Variants in TCF12 observed in about 807,000 individuals in gnomAD.
The protein encoded by TCF12 is DNA-binding protein HTF4.
In TCF12, 45 loss-of-function variants were observed where a neutral mutation model predicts 86.0. The observed-to-expected ratio is 0.52, with a 90% CI of 0.41 to 0.67. The LOEUF (loss-of-function observed/expected upper bound fraction) is 0.67, where lower values mean the gene tolerates loss of function less well. Ranked by LOEUF, TCF12 falls within the 30% of genes least tolerant of loss-of-function variation. The pLI, the probability that TCF12 is intolerant of heterozygous loss-of-function variation, is 0.00. For synonymous variants in TCF12, 330 were observed against 299.6 expected (o/e 1.10, Z -1.05); for missense variants, 881 against 859.9 (o/e 1.02, Z -0.31).
intron 5 of TCF12, among the ~76,000 whole-genome samples, chr15:57,136,508 T>C (rs1332959390): frequency 6.6e-6 from 1 of 152,238 alleles, no homozygotes; most frequent in African/African-American, 2.4e-5. Flanking sequence ...ATATTTCTTA[T>C]TTCTACATTC....
At chr15:57,161,817 C>A (rs1235462235) in intron 5 of TCF12, among the ~76,000 whole-genome samples, 6 of 152,134 alleles carry the variant, frequency 3.9e-5, no homozygotes, top group African/African-American at 1.4e-4. Flanking sequence ...TTGCAGATAT[C>A]TTAAGCTATT....
chr15:57,259,252 C>A (rs1462408552), intron 16 of TCF12, among the ~76,000 whole-genome samples: 1 of 152,030 alleles, frequency 6.6e-6, no homozygotes, highest in East Asian at 1.9e-4. Flanking sequence ...GTAATACTAC[C>A]AAGTTTCTAG....
intron 3 of TCF12, among the ~76,000 whole-genome samples, chr15:57,014,077 G>A (rs984693433): frequency 6.6e-6 from 1 of 152,164 alleles, no homozygotes; most frequent in African/African-American, 2.4e-5. Flanking sequence ...TCTAGGTCAC[G>A]TTGCATGGGT....
At chr15:56,920,030 T>TTTG in intron 2 of TCF12, 42 bp downstream of exon 2, 1 of 1,605,798 alleles carries the variant, frequency 6.2e-7, no homozygotes, top group Non-Finnish European at 8.5e-7. Context: ...CTGCTGAGGT[T>TTTG]TTTGTTTGTT....
At chr15:57,035,029 A>G (rs1244258076) in intron 3 of TCF12, among the ~76,000 whole-genome samples, 3 of 152,208 alleles carry the variant, frequency 2.0e-5, no homozygotes, top group African/African-American at 7.2e-5. Flanking sequence ...ATCACTGCGC[A>G]TATATTAGAA....
intron 6 of TCF12, among the ~76,000 whole-genome samples, chr15:57,176,300 TTGGTGACCAGA>T (rs2055904989): frequency 6.6e-6 from 1 of 152,240 alleles, no homozygotes; most frequent in Non-Finnish European, 1.5e-5. Context: ...CCATCTGAGG[TTGGTGACCAGA>T]AATTACTGTT....
chr15:56,949,335 A>T (rs998632827), intron 3 of TCF12, among the ~76,000 whole-genome samples: 6 of 152,170 alleles, frequency 3.9e-5, no homozygotes, highest in African/African-American at 1.2e-4. Flanking sequence ...ACTCCTTTTT[A>T]AAAAAACTTT....
chr15:57,163,613 G>T (rs1337520978), intron 5 of TCF12, among the ~76,000 whole-genome samples: 2 of 152,160 alleles, frequency 1.3e-5, no homozygotes, highest in Admixed American at 1.3e-4. Flanking sequence ...TGAGGTGGGA[G>T]GATTGCTTGA....
Position 57,166,440 on chromosome 15 carries a change from A to G in TCF12, c.364A>G (p.Arg122Gly). ...SERGSFSLYS[R>G]DTGLPGCQSS... is the part of the protein sequence containing the mutation. ...GAGAGGCTCATTTTCCCTGTACAGC[A>G]GAGATACTGGATTACCAGGCTGTCA... Residue 122 changes from arginine to glycine, a missense_variant, in exon 6 of 21, where the codon AGA (arginine) becomes GGA (glycine). Physicochemically the swap from Arg to Gly is moderately radical, Grantham distance 125 (BLOSUM62 -2). Around this residue, in one of 3 missense-constraint regions of TCF12, gnomAD observed 766 missense variants for 718.9 expected, o/e 1.07. Coordinates refer to ENST00000333725, the MANE Select transcript of TCF12 (RefSeq NM_207037.2). 1.2e-6 allele frequency: 2 copies of G among 1,613,010 alleles called. No homozygotes were observed. The highest frequency in any genetic ancestry group is 2.2e-5 in the South Asian group (2 of 90,674).
At chr15:57,104,136 CA>C (rs1207421783) in intron 5 of TCF12, among the ~76,000 whole-genome samples, 1 of 151,568 alleles carries the variant, frequency 6.6e-6, no homozygotes, top group African/African-American at 2.4e-5. Context: ...TAAAGAATAT[CA>C]AAAAGTTAAC....
intron 12 of TCF12, among the ~76,000 whole-genome samples, chr15:57,235,567 G>A (rs543928547): frequency 3.4e-4 from 52 of 151,858 alleles, no homozygotes; most frequent in African/African-American, 1.2e-3. Context: ...CCCTTTTTTC[G>A]ACTTACTGTC....
rs182903925 is a variant in TCF12 at position 57,161,836 on chromosome 15, T to C, written c.326-4566T>C. 2.4e-4 allele frequency among the ~76,000 whole-genome samples: 37 copies of C among 152,356 alleles called. No individual in the cohort carries two copies. The East Asian group carries it at 6.9e-3, about 29-fold the overall frequency. Reference sequence around the variant, plus strand: ...AGATATCTTAAGCTATTATTTATGCTTTCAAATTATTATTAGTCCTGCTGC... The same window carrying C: ...AGATATCTTAAGCTATTATTTATGCCTTCAAATTATTATTAGTCCTGCTGC... On this transcript the variant is annotated intron_variant, in intron 5 of 20. Transcript: ENST00000333725.
intron 4 of TCF12, among the ~76,000 whole-genome samples, chr15:57,077,760 C>A (rs1037374551): frequency 7.3e-4 from 101 of 138,668 alleles, no homozygotes; most frequent in African/African-American, 2.1e-3. Context: ...AAAAAAAAAA[C>A]GTTTGCATGT....
intron 3 of TCF12, among the ~76,000 whole-genome samples, chr15:56,924,526 CA>C (rs1469745036): frequency 6.6e-6 from 1 of 152,098 alleles, no homozygotes; most frequent in Non-Finnish European, 1.5e-5. Context: ...GAGAGGAAAC[CA>C]GGTTTGACCT....
chr15:57,230,419 G>T (rs1484977919), intron 8 of TCF12, among the ~76,000 whole-genome samples: 1 of 151,906 alleles, frequency 6.6e-6, no homozygotes, highest in Admixed American at 6.6e-5. Context: ...GATCATTAAG[G>T]TTATTTGGCT....
At chr15:57,074,360 TAAA>T (rs35606687) in intron 4 of TCF12, among the ~76,000 whole-genome samples, 12,641 of 110,520 alleles carry the variant, frequency 0.11, 1,003 homozygotes, top group Admixed American at 0.23. Context: ...CCATTTTGAT[TAAA>T]AAAAAAAAAA....
intron 8 of TCF12, among the ~76,000 whole-genome samples, chr15:57,218,468 G>A (rs1439587950): frequency 2.0e-5 from 3 of 152,158 alleles, no homozygotes; most frequent in African/African-American, 4.8e-5. Context: ...TGACTTCGAA[G>A]TATGAGTTAG....
At chr15:57,173,209 G>A (rs2055652732) in intron 6 of TCF12, among the ~76,000 whole-genome samples, 1 of 152,152 alleles carries the variant, frequency 6.6e-6, no homozygotes, top group Non-Finnish European at 1.5e-5. Context: ...ATTTCTAACT[G>A]AATAATAATG....
At chr15:57,219,676 G>A in intron 8 of TCF12, 1 of 1,243,278 alleles carries the variant, frequency 8.0e-7, no homozygotes, top group Non-Finnish European at 1.1e-6. Context: ...AAATCTGTGA[G>A]GTTTTGTTTT....
Sources: gnomAD v4.1 joint callset for allele counts (sites outside exome capture counted in the v4.1 genomes callset) on GRCh38, gnomAD v4.1.1 for gene constraint, gnomAD v4.1.1 regional missense constraint, MANE v1.5 for transcripts, NCBI Gene and HGNC (gene_info 2026-07-23, HGNC 2026-07-21) for gene names.